Variants in SLC15A5 observed in about 807,000 individuals in gnomAD.
SLC15A5 encodes solute carrier family 15 member 5, also known as Peptide/histidine transporter ENSP00000340402.
In SLC15A5, 58 loss-of-function variants were observed where a neutral mutation model predicts 56.1. That is an observed-to-expected ratio of 1.03 (90% CI 0.84 to 1.29). The LOEUF is 1.29. Among genes scored for constraint, SLC15A5 ranks in the 50% most tolerant of loss-of-function variants. SLC15A5 has a pLI of 0.00. For synonymous variants in SLC15A5, 264 were observed against 250.5 expected (o/e 1.05, Z -0.51); for missense variants, 681 against 672.1 (o/e 1.01, Z -0.15).
chr12:16,265,477 T>G (rs1433040918), intron 2 of SLC15A5, among the ~76,000 whole-genome samples: 2 of 152,250 alleles, frequency 1.3e-5, no homozygotes, highest in Non-Finnish European at 2.9e-5. Context: ...TGTTCTCTCC[T>G]GTAAACTTTT....
At chr12:16,209,011 C>T (rs982060546) in intron 7 of SLC15A5, among the ~76,000 whole-genome samples, 3 of 108,696 alleles carry the variant, frequency 2.8e-5, no homozygotes, top group African/African-American at 9.0e-5. Flanking sequence ...GTTCTTTAAA[C>T]ATGATGCCTT....
intron 3 of SLC15A5, among the ~76,000 whole-genome samples, chr12:16,247,735 G>A (rs531150945): frequency 2.0e-5 from 3 of 152,218 alleles, no homozygotes; most frequent in Non-Finnish European, 2.9e-5. Flanking sequence ...GGAAGATTGC[G>A]GGGAGATGAG....
chr12:16,250,031 C>A (rs144832388), intron 3 of SLC15A5, among the ~76,000 whole-genome samples: 1 of 152,098 alleles, frequency 6.6e-6, no homozygotes, highest in East Asian at 1.9e-4. Flanking sequence ...GCAGAGGCTT[C>A]TGTGTATAAT....
At chr12:16,209,835 A>C (rs1434980990) in intron 7 of SLC15A5, among the ~76,000 whole-genome samples, 1 of 152,148 alleles carries the variant, frequency 6.6e-6, no homozygotes, top group Non-Finnish European at 1.5e-5. Context: ...TTCCTGGATT[A>C]CTTCAATTCT....
chr12:16,198,160 G>T (rs1359609760), intron 7 of SLC15A5, among the ~76,000 whole-genome samples: 3 of 152,084 alleles, frequency 2.0e-5, no homozygotes, highest in Non-Finnish European at 2.9e-5. Flanking sequence ...AAGTAGTAAA[G>T]GACTCAAAAT....
At chr12:16,249,505 C>A (rs1301318211) in intron 3 of SLC15A5, among the ~76,000 whole-genome samples, 1 of 151,984 alleles carries the variant, frequency 6.6e-6, no homozygotes, top group Non-Finnish European at 1.5e-5. Context: ...GTAAAGTCAG[C>A]CACTTGAGAG....
chr12:16,270,434 A>G (rs898425112), intron 2 of SLC15A5, among the ~76,000 whole-genome samples: 2 of 152,106 alleles, frequency 1.3e-5, no homozygotes, highest in Non-Finnish European at 2.9e-5. Context: ...TTTTGACTGG[A>G]AGACATAGAT....
intron 5 of SLC15A5, among the ~76,000 whole-genome samples, chr12:16,238,578 C>A (rs1864375774): frequency 7.1e-6 from 1 of 139,884 alleles, no homozygotes; most frequent in Non-Finnish European, 1.5e-5. Flanking sequence ...TGTAGTGAGC[C>A]GAGATAGCGC....
intron 3 of SLC15A5, among the ~76,000 whole-genome samples, chr12:16,245,346 A>G (rs1001293289): frequency 3.9e-5 from 6 of 152,180 alleles, no homozygotes; most frequent in Non-Finnish European, 8.8e-5. Context: ...AAATGATTTT[A>G]TGCATGTTGA....
chr12:16,265,564 G>T (rs1864686109), intron 2 of SLC15A5, among the ~76,000 whole-genome samples: 1 of 152,150 alleles, frequency 6.6e-6, no homozygotes, highest in Non-Finnish European at 1.5e-5. Context: ...CTGCAGCCTT[G>T]ATTTCTTGGG....
At chr12:16,260,784 G>A (rs1483072303) in intron 2 of SLC15A5, among the ~76,000 whole-genome samples, 1 of 150,890 alleles carries the variant, frequency 6.6e-6, no homozygotes, top group African/African-American at 2.4e-5. Flanking sequence ...CACTTTTATG[G>A]GTTTTGATCT....
At chr12:16,273,381 G>C (rs1864781926) in intron 1 of SLC15A5, among the ~76,000 whole-genome samples, 1 of 151,952 alleles carries the variant, frequency 6.6e-6, no homozygotes, top group African/African-American at 2.4e-5. Flanking sequence ...AGTTGAGAAA[G>C]CTGGGGACAG....
At chr12:16,257,297 G>C (rs1483116162) in intron 3 of SLC15A5, among the ~76,000 whole-genome samples, 1 of 152,126 alleles carries the variant, frequency 6.6e-6, no homozygotes, top group Non-Finnish European at 1.5e-5. Context: ...AATTACCCGG[G>C]TGAGAAGAAG....
At chr12:16,209,019 C>CTT (rs34238331) in intron 7 of SLC15A5, among the ~76,000 whole-genome samples, 1 of 141,344 alleles carries the variant, frequency 7.1e-6, no homozygotes, top group African/African-American at 2.6e-5. Context: ...AACATGATGC[C>CTT]TTTTTTTTTT....
intron 3 of SLC15A5, among the ~76,000 whole-genome samples, chr12:16,245,519 T>A (rs1194748078): frequency 6.6e-6 from 1 of 152,206 alleles, no homozygotes; most frequent in Non-Finnish European, 1.5e-5. Context: ...TTGCTTCTTT[T>A]ATGATCTTTT....
rs925402106 is a variant in SLC15A5, at chr12:16,271,840, A to G, written c.584+721T>C. Among the ~76,000 whole-genome samples, 1 of 152,126 alleles carries G rather than the reference A, an allele frequency of 6.6e-6. No individual in the cohort carries two copies. The highest frequency in any genetic ancestry group is 1.5e-5 in the Non-Finnish European group (1 of 68,004). Reference sequence around the variant, plus strand: ...AATTGTTTCCTTAAAAAACACAAAAACCGACGAACTCCATAAGAACTCGTT... The same window carrying G: ...AATTGTTTCCTTAAAAAACACAAAAGCCGACGAACTCCATAAGAACTCGTT... On this transcript the variant is annotated intron_variant, in intron 2 of 8. Coordinates refer to ENST00000344941, the MANE Select transcript of SLC15A5 (RefSeq NM_001170798.1). This position sits in a 1 kb window ranked among gnomAD's most constrained non-coding sequence, Gnocchi z 8.0.
rs1046353437 is a variant in SLC15A5 at position 16,271,933 on chromosome 12, G to A, written c.584+628C>T. Among the ~76,000 whole-genome samples the A allele has an allele frequency of 9.8e-5, 15 of 152,288 alleles. No homozygotes were observed. Among genetic ancestry groups the A allele is most frequent in the African/African-American group, 3.6e-4 (15 of 41,550 alleles). On this transcript the variant is annotated intron_variant, in intron 2 of 8. Transcript: ENST00000344941. The surrounding 1 kb of genome is among the most constrained non-coding windows in gnomAD (Gnocchi z 8.0). Reference sequence around the variant, plus strand: ...GAATATAAACTCTTTTAGGTGTTGGGAGCGAACTGGGTGAGAAACAGAGAT... The same window carrying A: ...GAATATAAACTCTTTTAGGTGTTGGAAGCGAACTGGGTGAGAAACAGAGAT...
At chr12:16,248,609 T>C (rs1459496111) in intron 3 of SLC15A5, among the ~76,000 whole-genome samples, 1 of 152,132 alleles carries the variant, frequency 6.6e-6, no homozygotes, top group Non-Finnish European at 1.5e-5. Flanking sequence ...CCCATGAAAC[T>C]GTAGTTACCA....
chr12:16,222,357 TA>T (rs11291598), intron 6 of SLC15A5, among the ~76,000 whole-genome samples: 81,614 of 151,876 alleles, frequency 0.54, 22,226 homozygotes, highest in South Asian at 0.73. Flanking sequence ...CCCAGAAAGG[TA>T]ATACTTGATT....
Sources: gnomAD v4.1 joint callset for allele counts (sites outside exome capture counted in the v4.1 genomes callset) on GRCh38, gnomAD v4.1.1 for gene constraint, Gnocchi (gnomAD v3.1) non-coding constraint, MANE v1.5 for transcripts, NCBI Gene and HGNC (gene_info 2026-07-23, HGNC 2026-07-21) for gene names.